The following GC variants were observed in gnomAD, a reference collection of about 807,000 sequenced individuals.
GC encodes the protein vitamin D-binding protein.
A neutral mutation model predicts 56.7 loss-of-function variants in GC; 43 were observed. The observed-to-expected ratio is 0.76, with a 90% CI of 0.59 to 0.98. The LOEUF is 0.98. GC is among the 50% of genes least tolerant of loss of function. The pLI is 0.00. For synonymous variants in GC, 216 were observed against 202.7 expected, an observed-to-expected ratio of 1.07 and a Z score of -0.56; for missense variants, 529 against 545.9, an observed-to-expected ratio of 0.97 and a Z score of 0.31.
intron 10 of GC, among the ~76,000 whole-genome samples, chr4:71,753,772 T>C (rs1422317671): frequency 1.3e-5 from 2 of 152,238 alleles, no homozygotes; most frequent in Non-Finnish European, 2.9e-5. Context: ...GTATGCTTGA[T>C]TGAAAGTTTG....
intron 1 of GC, among the ~76,000 whole-genome samples, chr4:71,789,355 G>T (rs1742918105): frequency 6.6e-6 from 1 of 151,692 alleles, no homozygotes. Flanking sequence ...TCATAGCCTG[G>T]CTAATCTTTG....
intron 1 of GC, among the ~76,000 whole-genome samples, chr4:71,796,871 A>C (rs1393274383): frequency 6.6e-6 from 1 of 151,908 alleles, no homozygotes; most frequent in Non-Finnish European, 1.5e-5. Flanking sequence ...CTTTTTGTTG[A>C]TGTTGATGCT....
intron 11 of GC, among the ~76,000 whole-genome samples, chr4:71,746,770 T>G (rs1224952633): frequency 1.9e-5 from 1 of 53,072 alleles, no homozygotes; most frequent in Non-Finnish European, 3.1e-5. Flanking sequence ...ACCTCTATTT[T>G]GTAAAAAAAA....
At chr4:71,796,626 T>G (rs574686477) in intron 1 of GC, among the ~76,000 whole-genome samples, 7 of 152,208 alleles carry the variant, frequency 4.6e-5, no homozygotes, top group Non-Finnish European at 1.0e-4. Context: ...TTTAGTTTGG[T>G]GAAGTTTGTT....
intron 1 of GC, among the ~76,000 whole-genome samples, chr4:71,780,208 C>G (rs1290759484): frequency 2.0e-5 from 3 of 151,998 alleles, no homozygotes; most frequent in African/African-American, 7.2e-5. Flanking sequence ...TGGATCTCTT[C>G]CTTACACCTT....
chr4:71,804,497 A>G (rs539233258), upstream of GC, among the ~76,000 whole-genome samples: 3 of 152,150 alleles, frequency 2.0e-5, 1 homozygote, highest in South Asian at 4.2e-4. Context: ...TTGCCAGCCA[A>G]TTGATTCTGG....
In GC at chr4:71,758,201, T is replaced by TA. The variant is rs778664416; in HGVS notation, c.702-31dup. The TA allele has an allele frequency of 4.4e-6, 7 of 1,592,166 alleles. No homozygotes were observed. In the East Asian group the frequency reaches 1.3e-4, roughly 31 times the overall value. ...ACAGTTAAAAATAAATATGTTAGCT[T>TA]ATCAACATTCTCAGTTTTCTTGGTT... On this transcript the variant is annotated intron_variant, in intron 6 of 12. Coordinates refer to ENST00000273951, the MANE Select transcript of GC (RefSeq NM_000583.4).
At position 71,754,946 on chromosome 4, in the gene GC, T is replaced by C. The variant is rs532433982; in HGVS notation, c.1164+32A>G. On this transcript the variant is annotated intron_variant, in intron 9 of 12. Coordinates refer to ENST00000273951, the MANE Select transcript of GC (RefSeq NM_000583.4). ...CTATAATTTTCCAACCCTTGATCTA[T>C]GTGCTTGATAAAGAAAATCCAACAA... 15 of 1,499,996 alleles carry C rather than the reference T, an allele frequency of 1.0e-5. 1 individual carries two copies. The South Asian group carries it at 1.8e-4, about 18-fold the overall frequency. 92.9% of individuals were successfully genotyped at this position (1,499,996 alleles called of 1,614,324 possible). A position where few individuals can be genotyped will look rare whatever the true frequency, so the allele number is the denominator to read the frequency against.
chr4:71,764,635 T>A (rs561267538), intron 4 of GC, among the ~76,000 whole-genome samples: 2 of 152,316 alleles, frequency 1.3e-5, no homozygotes, highest in African/African-American at 4.8e-5. Flanking sequence ...ATGTATAGAT[T>A]ACTTATTTTT....
At chr4:71,749,885 A>G (rs1741491710) in intron 11 of GC, among the ~76,000 whole-genome samples, 1 of 152,196 alleles carries the variant, frequency 6.6e-6, no homozygotes, top group Non-Finnish European at 1.5e-5. Flanking sequence ...ATTGTTACAA[A>G]CAAGATTAGC....
intron 1 of GC, 59 bp downstream of exon 1, chr4:71,783,902 T>C (rs1243426481): frequency 3.8e-5 from 48 of 1,255,116 alleles, no homozygotes; most frequent in Non-Finnish European, 5.2e-5. Flanking sequence ...TTTTAAGTGA[T>C]AATATAAAAT....
upstream of GC, among the ~76,000 whole-genome samples, chr4:71,804,345 C>T (rs993172030): frequency 6.6e-6 from 1 of 152,128 alleles, no homozygotes; most frequent in Non-Finnish European, 1.5e-5. Flanking sequence ...GGGTAATTAG[C>T]ATTATTTTTC....
At chr4:71,757,410 T>C (rs561959962) in intron 7 of GC, among the ~76,000 whole-genome samples, 1 of 152,236 alleles carries the variant, frequency 6.6e-6, no homozygotes, top group South Asian at 2.1e-4. Flanking sequence ...ACTACAGAGA[T>C]TGACAAGATC....
At chr4:71,770,160 G>A (rs2149302452) in intron 1 of GC, among the ~76,000 whole-genome samples, 1 of 152,284 alleles carries the variant, frequency 6.6e-6, no homozygotes, top group Non-Finnish European at 1.5e-5. Flanking sequence ...TCTGATTCAG[G>A]CTGGAGAAAT....
chr4:71,781,301 G>T (rs926768700), intron 1 of GC, among the ~76,000 whole-genome samples: 1 of 151,768 alleles, frequency 6.6e-6, no homozygotes, highest in African/African-American at 2.4e-5. Flanking sequence ...GAGTTAATGG[G>T]TGTCAGCAAA....
intron 1 of GC, among the ~76,000 whole-genome samples, chr4:71,803,183 TATATC>T (rs1743291243): frequency 6.6e-6 from 1 of 152,192 alleles, no homozygotes; most frequent in South Asian, 2.1e-4. Context: ...TCCTCTGACT[TATATC>T]AGTCAACATT....
At chr4:71,763,546 T>C in intron 5 of GC, 44 bp from the exon 6 acceptor site, 4 of 1,164,170 alleles carry the variant, frequency 3.4e-6, no homozygotes, top group East Asian at 2.3e-5. Context: ...TCAAGACTCA[T>C]TGAATACTGT....
At chr4:71,784,308 C>G, upstream of GC, 2 of 1,108,560 alleles carry the variant, frequency 1.8e-6, no homozygotes, top group Non-Finnish European at 2.2e-6. Context: ...TGCAAAAGAG[C>G]CAAGGTATAT....
chr4:71,746,130 G>T, intron 12 of GC, 21 bp downstream of exon 12: 1 of 880,934 alleles, frequency 1.1e-6, no homozygotes, highest in Non-Finnish European at 1.9e-6. Context: ...CGTTGGTCCT[G>T]CATTTATAAA....
Sources: gnomAD v4.1 joint callset for allele counts (sites outside exome capture counted in the v4.1 genomes callset) on GRCh38, gnomAD v4.1.1 for gene constraint, MANE v1.5 for transcripts, NCBI Gene and HGNC (gene_info 2026-07-23, HGNC 2026-07-21) for gene names.